Variants in SUMF1 observed in about 807,000 individuals in gnomAD.
SUMF1 encodes the protein formylglycine-generating enzyme.
Under a neutral mutation model 47.6 loss-of-function variants are expected in SUMF1, and 48 were observed. That is an observed-to-expected ratio of 1.01 (90% confidence interval 0.80 to 1.28). The LOEUF is 1.28. Ranked by LOEUF, SUMF1 falls within the 50% of genes most tolerant of loss-of-function variation. The pLI, the probability that SUMF1 is intolerant of heterozygous loss-of-function variation, is 0.00. For missense variants in SUMF1, 571 were observed against 485.4 expected (o/e 1.18, Z -1.66); for synonymous variants, 230 against 192.1 (o/e 1.20, Z -1.63).
In SUMF1 at chr3:4,425,817, T is replaced by C. The variant is rs56957742; in HGVS notation, c.520-5671A>G. Among the ~76,000 whole-genome samples the C allele has an allele frequency of 6.7e-3, 1,027 of 152,336 alleles. 16 individuals carry two copies. The highest frequency in any genetic ancestry group is 0.024 in the African/African-American group (980 of 41,578). ...TTAATTGTCTCACATTCCACATGAC[T>C]GTGGAGGTCTCACAATCATGGCGTG... On this transcript the variant is annotated intron_variant, in intron 3 of 8. Transcript: ENST00000272902.
In SUMF1 at chr3:4,216,884, G is replaced by A. The variant is rs1249306922; in HGVS notation, c.1015-148139C>T. 2.0e-5 allele frequency among the ~76,000 whole-genome samples: 3 copies of A among 152,168 alleles called. 1 individual carries two copies. The highest frequency in any genetic ancestry group is 7.2e-5 in the African/African-American group (3 of 41,432). ...AAACAACAGATGTTGGAAAGGATGT[G>A]GAGAAATAGGAATGCTGTTACACTG... On this transcript the variant is annotated intron_variant and NMD_transcript_variant, in intron 8 of 12. Coordinates refer to the SUMF1 transcript ENST00000448413.
chr3:4,191,449 A>C (rs1015125658), intron 8 of SUMF1, among the ~76,000 whole-genome samples: 2 of 152,178 alleles, frequency 1.3e-5, no homozygotes, highest in Admixed American at 6.6e-5. Context: ...CACGACAAAA[A>C]GTTAAGATTT....
intron 8 of SUMF1, among the ~76,000 whole-genome samples, chr3:4,238,444 T>C (rs77805653): frequency 0.36 from 54,893 of 152,010 alleles, 10,806 homozygotes; most frequent in Non-Finnish European, 0.45. Flanking sequence ...ATCTGTTGTT[T>C]CCTGACTTTT....
intron 8 of SUMF1, among the ~76,000 whole-genome samples, chr3:4,070,290 C>T (rs996712175): frequency 1.3e-5 from 2 of 152,116 alleles, no homozygotes; most frequent in East Asian, 1.9e-4. Flanking sequence ...TTCTCAGGAC[C>T]TTCTGAAGGC....
chr3:4,387,920 G>T (rs1227400755), intron 7 of SUMF1, among the ~76,000 whole-genome samples: 4 of 151,968 alleles, frequency 2.6e-5, no homozygotes, highest in African/African-American at 4.8e-5. Flanking sequence ...TGATTCTATT[G>T]TGGTTGGAGA....
intron 9 of SUMF1, among the ~76,000 whole-genome samples, chr3:4,064,151 A>G (rs1474541196): frequency 2.0e-5 from 3 of 152,202 alleles, no homozygotes; most frequent in African/African-American, 7.2e-5. Flanking sequence ...ATTCTCAGTC[A>G]TAGGATGAGA....
At chr3:4,255,858 G>C (rs1293910779) in intron 8 of SUMF1, among the ~76,000 whole-genome samples, 1 of 93,844 alleles carries the variant, frequency 1.1e-5, no homozygotes, top group East Asian at 2.7e-4. Context: ...TGACCACATA[G>C]TTGGAAGTAA....
In SUMF1 at chr3:4,185,198, T is replaced by C. The variant is rs1037915719; in HGVS notation, c.1015-116453A>G. ...CAGGCTTCAGAGGCATAGTCCTTCG[T>C]TACTGAACAATCCATAACTGAAGCT... On this transcript the variant is annotated intron_variant and NMD_transcript_variant, in intron 8 of 12. Transcript: ENST00000448413. Among the ~76,000 whole-genome samples, 4 of 152,162 alleles carry C rather than the reference T, an allele frequency of 2.6e-5. No individual in the cohort carries two copies. The South Asian group carries it at 8.3e-4, about 31-fold the overall frequency.
chr3:4,109,060 T>C (rs1442678575), intron 8 of SUMF1, among the ~76,000 whole-genome samples: 1 of 152,164 alleles, frequency 6.6e-6, no homozygotes, highest in East Asian at 1.9e-4. Context: ...CAGTGGCCGA[T>C]ACCAGTTGTT....
At chr3:4,424,207 GT>G (rs900358264) in intron 3 of SUMF1, among the ~76,000 whole-genome samples, 1 of 152,060 alleles carries the variant, frequency 6.6e-6, no homozygotes, top group African/African-American at 2.4e-5. Context: ...TAGTACTATA[GT>G]TTTTTTATCT....
At chr3:4,121,397 T>C (rs1693537234) in intron 8 of SUMF1, among the ~76,000 whole-genome samples, 1 of 152,206 alleles carries the variant, frequency 6.6e-6, no homozygotes, top group Non-Finnish European at 1.5e-5. Flanking sequence ...CTTCATCTTC[T>C]TGTAATGGGT....
At chr3:4,308,765 C>G (rs1238033673) in intron 8 of SUMF1, among the ~76,000 whole-genome samples, 1 of 152,234 alleles carries the variant, frequency 6.6e-6, no homozygotes, top group Non-Finnish European at 1.5e-5. Flanking sequence ...GCACACTTTG[C>G]TCTAGTCTAA....
At chr3:4,067,832 G>A (rs1414157048) in intron 9 of SUMF1, among the ~76,000 whole-genome samples, 1 of 152,186 alleles carries the variant, frequency 6.6e-6, no homozygotes, top group East Asian at 1.9e-4. Context: ...GCCCTTTGGT[G>A]TCATTCATAG....
intron 8 of SUMF1, among the ~76,000 whole-genome samples, chr3:4,160,916 T>C (rs1318702764): frequency 3.3e-5 from 5 of 152,108 alleles, no homozygotes; most frequent in Non-Finnish European, 7.4e-5. Flanking sequence ...TGAAGAGTTA[T>C]TTATTGTAGT....
intron 8 of SUMF1, among the ~76,000 whole-genome samples, chr3:4,172,561 G>C (rs1353655154): frequency 1.3e-5 from 2 of 152,140 alleles, no homozygotes; most frequent in African/African-American, 2.4e-5. Flanking sequence ...AGGAAAGTGA[G>C]GTTCAGATGG....
intron 8 of SUMF1, among the ~76,000 whole-genome samples, chr3:4,143,455 C>T (rs755098502): frequency 1.3e-4 from 20 of 152,058 alleles, no homozygotes; most frequent in Non-Finnish European, 2.8e-4. Context: ...GGATTTCAAG[C>T]AAGAACAGTA....
At chr3:4,139,465 T>C (rs1293784309) in intron 8 of SUMF1, among the ~76,000 whole-genome samples, 1 of 151,940 alleles carries the variant, frequency 6.6e-6, no homozygotes, top group African/African-American at 2.4e-5. Context: ...TATTATTAAG[T>C]GTAAATTGTG....
chr3:4,051,373 G>C (rs776041437), intron 9 of SUMF1, among the ~76,000 whole-genome samples: 10 of 152,120 alleles, frequency 6.6e-5, no homozygotes, highest in Admixed American at 2.0e-4. Flanking sequence ...ACAGGACAAA[G>C]AGCCCCAAGA....
At chr3:4,078,080 C>G (rs1692478696) in intron 8 of SUMF1, among the ~76,000 whole-genome samples, 1 of 152,018 alleles carries the variant, frequency 6.6e-6, no homozygotes, top group African/African-American at 2.4e-5. Flanking sequence ...CGCAGCTTCC[C>G]CTCTCCTATG....
Sources: gnomAD v4.1 joint callset for allele counts (sites outside exome capture counted in the v4.1 genomes callset) on GRCh38, gnomAD v4.1.1 for gene constraint, MANE v1.5 for transcripts, NCBI Gene and HGNC (gene_info 2026-07-23, HGNC 2026-07-21) for gene names.